The following MCCC1 variants were observed in gnomAD, a reference collection of about 807,000 sequenced individuals.
MCCC1 encodes methylcrotonyl-CoA carboxylase subunit 1.
Under a neutral mutation model 83.8 loss-of-function variants are expected in MCCC1, and 64 were observed. The ratio of observed to expected loss-of-function variants is 0.76; its 90% CI spans 0.62 to 0.94. The LOEUF (loss-of-function observed/expected upper bound fraction) is 0.94. MCCC1 is among the 40% of genes least tolerant of loss of function. MCCC1 has a pLI of 0.00. For missense variants in MCCC1, 807 were observed against 904.7 expected (o/e 0.89, Z 1.39); for synonymous variants, 322 against 315.4 (o/e 1.02, Z -0.22).
At chr3:183,113,471 G>A (rs970137252) in intron 1 of MCCC1, among the ~76,000 whole-genome samples, 2 of 151,256 alleles carry the variant, frequency 1.3e-5, no homozygotes, top group East Asian at 3.9e-4. Context: ...TGTAAATGAC[G>A]AGTTAATGAG....
rs185992396 is a variant in MCCC1, at chr3:183,077,005, G to A, written c.370-4518C>T. 2.0e-5 allele frequency among the ~76,000 whole-genome samples: 3 copies of A among 152,086 alleles called. No homozygotes were observed. In the East Asian group the frequency reaches 5.8e-4, roughly 29 times the overall value. On this transcript the variant is annotated intron_variant, in intron 4 of 18. Coordinates refer to ENST00000265594, the MANE Select transcript of MCCC1 (RefSeq NM_020166.5). ...TAATACATGCAGTCTTTTGTGACTG[G>A]CTCTGTCACTGAACGTAATATTTTC...
At position 183,055,702 on chromosome 3, in the gene MCCC1, C is replaced by T. The variant is rs1307641450; in HGVS notation, c.873+1609G>A. 2.6e-5 allele frequency among the ~76,000 whole-genome samples: 4 copies of T among 151,942 alleles called. No homozygotes were observed. The East Asian group carries it at 5.8e-4, about 22-fold the overall frequency. ...CTTGAAGCCAGAAGTTTGAGACCAG[C>T]GTGGTCAACACAGTAAGACCCCATC... is the stretch of plus-strand genomic sequence containing the variant. On this transcript the variant is annotated intron_variant, in intron 8 of 18. Coordinates refer to ENST00000265594, the MANE Select transcript of MCCC1 (RefSeq NM_020166.5).
At chr3:183,105,459 T>C (rs1719388086) in intron 1 of MCCC1, among the ~76,000 whole-genome samples, 1 of 151,770 alleles carries the variant, frequency 6.6e-6, no homozygotes, top group Non-Finnish European at 1.5e-5. Context: ...AAAAGCAAAA[T>C]AAAAAACCAT....
At chr3:183,090,940 G>C in intron 3 of MCCC1, 1 of 455,786 alleles carries the variant, frequency 2.2e-6, no homozygotes, top group Non-Finnish European at 4.4e-6. Flanking sequence ...ACTGACCTTC[G>C]ATGGGAAAGA....
At position 183,041,726 on chromosome 3, in the gene MCCC1, A is replaced by G. The variant is rs777891780; in HGVS notation, c.1108T>C (p.Leu370=). 10 of 1,614,200 alleles carry G rather than the reference A, an allele frequency of 6.2e-6. No individual in the cohort carries two copies. The highest frequency in any genetic ancestry group is 1.1e-5 in the South Asian group (1 of 91,080). ...TGCAGAGTTATTTCTTCCTGGCTCA[A>G]AGGAATCTTCTCTCCTGCTGCAATC... ...LRIAAGEKIP[L]SQEEITLQGH... is the part of the protein sequence containing the mutation. The change falls in exon 11 of 19, where the codon TTG becomes CTG. Residue 370 remains leucine, a synonymous_variant. Transcript: ENST00000265594.
intron 4 of MCCC1, among the ~76,000 whole-genome samples, chr3:183,083,597 G>A (rs907607469): frequency 2.0e-5 from 3 of 151,906 alleles, no homozygotes. Flanking sequence ...CTTTCTCATT[G>A]TGTTACAGCA....
At chr3:183,022,904 T>C (rs942050251) in intron 15 of MCCC1, among the ~76,000 whole-genome samples, 2 of 152,208 alleles carry the variant, frequency 1.3e-5, no homozygotes, top group African/African-American at 2.4e-5. Context: ...CATTTGCATA[T>C]ATTACATGTT....
In MCCC1 at chr3:183,025,797, G is replaced by A. The variant is rs751113347; in HGVS notation, c.1689C>T (p.Ala563=). The A allele has an allele frequency of 1.2e-6, 2 of 1,613,194 alleles. No individual in the cohort carries two copies. Among genetic ancestry groups the A allele is most frequent in the African/African-American group, 1.3e-5 (1 of 74,980 alleles). ...MTLKDGKNNV[A]IAVTYNHDGS... ...CATCATGGTTATACGTTACAGCTATGGCTACATCTTTATGGAAAAAGGGAA... is the reference window on the plus strand; with the variant it reads ...CATCATGGTTATACGTTACAGCTATAGCTACATCTTTATGGAAAAAGGGAA... Residue 563 remains alanine (A), a synonymous_variant, in exon 15 of 19, where the codon GCC becomes GCT. Transcript: ENST00000265594.
At chr3:183,060,828 C>T (rs866245054) in intron 7 of MCCC1, among the ~76,000 whole-genome samples, 78 of 28,724 alleles carry the variant, frequency 2.7e-3, no homozygotes, top group African/African-American at 4.9e-3. Flanking sequence ...TGCGGTGTTC[C>T]GTTTTTTTGT....
chr3:183,053,561 G>A (rs754136300), intron 8 of MCCC1, among the ~76,000 whole-genome samples: 3 of 151,730 alleles, frequency 2.0e-5, no homozygotes, highest in Non-Finnish European at 2.9e-5. Flanking sequence ...AATCCCAGCA[G>A]TTCGGGAGGC....
At position 183,015,585 on chromosome 3, in the gene MCCC1, G is replaced by A; in HGVS notation, c.2050-19C>T. 1 of 1,613,926 alleles carries A rather than the reference G, an allele frequency of 6.2e-7. No individual in the cohort carries two copies. Among genetic ancestry groups the A allele is most frequent in the Non-Finnish European group, 8.5e-7 (1 of 1,179,922 alleles). The stretch of plus-strand genomic sequence containing the variant: ...TGGTATGCTGCAGAGACACATGACA[G>A]GACAAATGATAGCTGCAATACTAAT... On this transcript the variant is annotated intron_variant, in intron 18 of 18. Transcript: ENST00000265594.
intron 8 of MCCC1, 73 bp downstream of exon 8, chr3:183,057,238 G>T: frequency 2.4e-6 from 3 of 1,233,304 alleles, no homozygotes; most frequent in Non-Finnish European, 2.3e-6. Flanking sequence ...CAGATTCACA[G>T]ATTTCTGATG....
chr3:183,042,126 T>A (rs533875421), intron 10 of MCCC1, among the ~76,000 whole-genome samples: 46 of 152,276 alleles, frequency 3.0e-4, no homozygotes, highest in East Asian at 1.9e-3. Flanking sequence ...CAATTTTTTT[T>A]AAAAAATAGT....
chr3:183,091,468 T>G (rs961496114), intron 3 of MCCC1, among the ~76,000 whole-genome samples: 1 of 152,076 alleles, frequency 6.6e-6, no homozygotes, highest in Non-Finnish European at 1.5e-5. Flanking sequence ...CTCAGGAGGC[T>G]GAGGCATGAG....
intron 7 of MCCC1, among the ~76,000 whole-genome samples, chr3:183,065,983 T>A (rs1003026805): frequency 2.6e-5 from 4 of 152,192 alleles, no homozygotes. Context: ...AGTACAGTTA[T>A]GTAAAGGTGA....
chr3:183,115,100 C>T (rs1019602909), intron 1 of MCCC1, among the ~76,000 whole-genome samples: 6 of 152,102 alleles, frequency 3.9e-5, no homozygotes, highest in Non-Finnish European at 7.4e-5. Context: ...ACCAACGTGC[C>T]CAGGGATGCC....
chr3:183,025,684 G>A (rs1256774529), intron 15 of MCCC1, 71 bp downstream of exon 15: 10 of 1,311,720 alleles, frequency 7.6e-6, no homozygotes, highest in Non-Finnish European at 1.1e-5. Flanking sequence ...ACCAGAGAGT[G>A]AAAGACCCTA....
intron 7 of MCCC1, among the ~76,000 whole-genome samples, chr3:183,058,406 A>T (rs1715584005): frequency 6.6e-6 from 1 of 152,188 alleles, no homozygotes; most frequent in South Asian, 2.1e-4. Flanking sequence ...GCTTGAACCC[A>T]GGAGTTCAAG....
At chr3:183,053,596 G>A (rs143735513) in intron 8 of MCCC1, among the ~76,000 whole-genome samples, 4,114 of 151,786 alleles carry the variant, frequency 0.027, 200 homozygotes, top group African/African-American at 0.095. Context: ...CATGAAGTCA[G>A]GAGTTCGAGA....
Sources: allele counts gnomAD v4.1 joint callset (sites outside exome capture counted in the v4.1 genomes callset), GRCh38; gene constraint gnomAD v4.1.1; transcripts MANE v1.5; gene names NCBI Gene and HGNC (gene_info 2026-07-23, HGNC 2026-07-21).